The following MAP3K13 variants were observed in gnomAD, a reference collection of about 807,000 sequenced individuals.
MAP3K13 encodes mitogen-activated protein kinase kinase kinase 13.
A neutral mutation model predicts 104.0 loss-of-function variants in MAP3K13; 52 were observed. The observed-to-expected ratio is 0.50, with a 90% confidence interval of 0.40 to 0.63. MAP3K13 has a LOEUF of 0.63. Ranked by LOEUF, MAP3K13 falls within the 20% of genes least tolerant of loss-of-function variation. The pLI, the probability that MAP3K13 is intolerant of heterozygous loss-of-function variation, is 0.00. For synonymous variants in MAP3K13, 394 were observed against 442.2 expected (o/e 0.89, Z 1.37); for missense variants, 914 against 1,218.5 (o/e 0.75, Z 3.72).
chr3:185,467,676 G>A (rs1030407454), intron 10 of MAP3K13, among the ~76,000 whole-genome samples: 6 of 151,702 alleles, frequency 4.0e-5, no homozygotes, highest in African/African-American at 4.8e-5. Flanking sequence ...CCAGCTACTC[G>A]GGAGGCTGAG....
chr3:185,311,832 GA>G (rs954848803), intron 2 of MAP3K13, among the ~76,000 whole-genome samples: 1 of 151,434 alleles, frequency 6.6e-6, no homozygotes, highest in Admixed American at 6.6e-5. Flanking sequence ...TGTTTTAAAA[GA>G]AAAAAAAGGA....
intron 2 of MAP3K13, 149 bp downstream of exon 2, chr3:185,429,205 C>T: frequency 2.7e-6 from 2 of 748,898 alleles, no homozygotes; most frequent in Admixed American, 2.9e-5. Context: ...TCCAGTAGAC[C>T]AGCTGAAGGG....
intron 2 of MAP3K13, among the ~76,000 whole-genome samples, chr3:185,343,578 G>A (rs1000540795): frequency 1.3e-5 from 2 of 151,966 alleles, no homozygotes; most frequent in East Asian, 1.9e-4. Flanking sequence ...TCAGCCTCCC[G>A]AATAGCTGGG....
At chr3:185,313,338 C>T (rs1292832558) in intron 2 of MAP3K13, among the ~76,000 whole-genome samples, 6 of 146,554 alleles carry the variant, frequency 4.1e-5, no homozygotes, top group African/African-American at 7.6e-5. Flanking sequence ...GGCGTGATCT[C>T]GGCTCACTGC....
At chr3:185,373,034 T>C (rs1724234754) in intron 1 of MAP3K13, among the ~76,000 whole-genome samples, 1 of 152,164 alleles carries the variant, frequency 6.6e-6, no homozygotes, top group Admixed American at 6.5e-5. Context: ...CATTGACAAA[T>C]AGTTATGGAC....
chr3:185,349,377 C>G (rs767202145), intron 2 of MAP3K13, among the ~76,000 whole-genome samples: 11 of 152,112 alleles, frequency 7.2e-5, no homozygotes, highest in Non-Finnish European at 1.6e-4. Flanking sequence ...ATTTGGTTCT[C>G]TCTTTCTGCA....
intron 1 of MAP3K13, among the ~76,000 whole-genome samples, chr3:185,390,041 G>A (rs773119752): frequency 9.9e-5 from 15 of 151,974 alleles, no homozygotes; most frequent in African/African-American, 3.4e-4. Context: ...TAGTGGCCAC[G>A]GGGGATCTCC....
intron 7 of MAP3K13, among the ~76,000 whole-genome samples, chr3:185,454,855 A>C (rs1716290635): frequency 1.5e-5 from 1 of 66,592 alleles, no homozygotes; most frequent in Non-Finnish European, 3.0e-5. Context: ...TGAGATATAT[A>C]CATGATATAT....
chr3:185,435,916 A>G (rs1715003663), intron 2 of MAP3K13, among the ~76,000 whole-genome samples: 1 of 152,182 alleles, frequency 6.6e-6, no homozygotes, highest in Non-Finnish European at 1.5e-5. Context: ...AGCTAACTCA[A>G]CACTACTTTG....
rs1304712037 is a variant in MAP3K13, at chr3:185,473,495, G to A, written c.2164G>A (p.Gly722Ser). The A allele has an allele frequency of 1.2e-6, 2 of 1,614,076 alleles. No individual in the cohort carries two copies. Among genetic ancestry groups the A allele is most frequent in the African/African-American group, 1.3e-5 (1 of 74,920 alleles). ...EPDKGQAGPW[G>S]CCQADAYDPC... ...TGACAAGGGCCAAGCTGGTCCCTGG[G>A]GCTGTTGCCAGGCTGACGCTTATGA... is the stretch of plus-strand genomic sequence containing the variant. Residue 722 changes from glycine (G) to serine (S), a missense_variant, in exon 11 of 14, where the codon GGC (glycine) becomes AGC (serine). Physicochemically the swap from Gly to Ser is moderately conservative, Grantham distance 56. This residue lies in a region of MAP3K13 where 583 missense variants were observed against 737.4 expected (regional missense o/e 0.79). Transcript: ENST00000265026. The surrounding 1 kb of genome is among the most constrained non-coding windows in gnomAD (Gnocchi z 4.9).
chr3:185,398,107 G>A (rs1414554331), intron 1 of MAP3K13, among the ~76,000 whole-genome samples: 1 of 152,128 alleles, frequency 6.6e-6, no homozygotes, highest in Non-Finnish European at 1.5e-5. Context: ...GGAGGGTTTT[G>A]AGGTATTGGA....
chr3:185,300,543 G>A (rs1361095579), intron 2 of MAP3K13, among the ~76,000 whole-genome samples: 2 of 151,002 alleles, frequency 1.3e-5, no homozygotes, highest in Non-Finnish European at 2.9e-5. Flanking sequence ...CCAGGCTGGA[G>A]TGCAATGGCG....
intron 10 of MAP3K13, 84 bp downstream of exon 10, chr3:185,467,047 G>A: frequency 6.6e-7 from 1 of 1,511,284 alleles, no homozygotes; most frequent in Non-Finnish European, 9.1e-7. Flanking sequence ...GGCGGATGTG[G>A]CCTCTTCTTT....
At chr3:185,377,339 G>C (rs1040299756) in intron 1 of MAP3K13, among the ~76,000 whole-genome samples, 1 of 152,126 alleles carries the variant, frequency 6.6e-6, no homozygotes, top group Non-Finnish European at 1.5e-5. Context: ...ATGGTAAGGG[G>C]TGCATGATCG....
chr3:185,484,059 A>T lies in MAP3K13; in HGVS notation c.*1603A>T, dbSNP rs569839255. ...GGCTACCACTGTCAGAATAAAAGCA[A>T]AAACAAGCAGCTTGCAAAAGGCAAC... is the stretch of plus-strand genomic sequence containing the variant. On this transcript the variant is annotated 3_prime_UTR_variant, in exon 14 of 14. Transcript: ENST00000265026. 6.6e-6 allele frequency: 1 copy of T among 152,300 alleles called. No homozygotes were observed. The highest frequency in any genetic ancestry group is 2.1e-4 in the South Asian group (1 of 4,826). The allele number at this position is 152,300 out of a possible 1,614,324, so 9.4% of individuals were successfully genotyped here.
chr3:185,304,504 A>G (rs558126568), intron 2 of MAP3K13, among the ~76,000 whole-genome samples: 1 of 152,266 alleles, frequency 6.6e-6, no homozygotes, highest in Admixed American at 6.5e-5. Flanking sequence ...TGCTGTTACA[A>G]ATATAAATAC....
At chr3:185,479,883 G>A (rs1042811131) in intron 12 of MAP3K13, among the ~76,000 whole-genome samples, 18 of 152,128 alleles carry the variant, frequency 1.2e-4, no homozygotes, top group Admixed American at 1.1e-3. Context: ...GAAAAAAGGT[G>A]GGAGGGAGGA....
intron 1 of MAP3K13, among the ~76,000 whole-genome samples, chr3:185,413,194 T>C (rs1385108131): frequency 6.6e-6 from 1 of 152,196 alleles, no homozygotes; most frequent in African/African-American, 2.4e-5. Context: ...ACCTGTCATA[T>C]TAAAGAAGGT....
rs1343749282 is a variant in MAP3K13 at position 185,483,121 on chromosome 3, T to C, written c.*665T>C. Reference sequence around the variant, plus strand: ...TGACCAGATACTTGCACCCAATGTCTTCAAGGGCATGTGCTTCCTCTAGGA... The same window carrying C: ...TGACCAGATACTTGCACCCAATGTCCTCAAGGGCATGTGCTTCCTCTAGGA... On this transcript the variant is annotated 3_prime_UTR_variant, in exon 14 of 14. Coordinates refer to ENST00000265026, the MANE Select transcript of MAP3K13 (RefSeq NM_004721.5). 1 of 233,012 alleles carries C rather than the reference T, an allele frequency of 4.3e-6. No homozygotes were observed. Among genetic ancestry groups the C allele is most frequent in the Non-Finnish European group, 8.5e-6 (1 of 117,992 alleles). 14.4% of individuals were successfully genotyped at this position (233,012 alleles called of 1,614,324 possible).
Sources: allele counts gnomAD v4.1 joint callset (sites outside exome capture counted in the v4.1 genomes callset), GRCh38; gene constraint gnomAD v4.1.1; regional missense constraint gnomAD v4.1.1; non-coding constraint Gnocchi (gnomAD v3.1); transcripts MANE v1.5; gene names NCBI Gene and HGNC (gene_info 2026-07-23, HGNC 2026-07-21).